Variants in POLD2 observed in about 807,000 individuals in gnomAD.
POLD2 encodes DNA polymerase delta 2, accessory subunit.
In POLD2, 31 loss-of-function variants were observed where a neutral mutation model predicts 48.8. The ratio of observed to expected loss-of-function variants is 0.64; its 90% confidence interval spans 0.48 to 0.86. POLD2 has a LOEUF of 0.86. POLD2 is among the 40% of genes least tolerant of loss of function. The pLI is 0.00. For missense variants in POLD2, 455 were observed against 610.1 expected (o/e 0.75, Z 2.68); for synonymous variants, 233 against 256.3 (o/e 0.91, Z 0.87).
At position 44,117,150 on chromosome 7, in the gene POLD2, G is replaced by A. The variant is rs1362339925; in HGVS notation, c.564C>T (p.Pro188=). The A allele has an allele frequency of 1.2e-6, 2 of 1,613,858 alleles. No homozygotes were observed. Among genetic ancestry groups the A allele is most frequent in the African/African-American group, 2.7e-5 (2 of 74,920 alleles). Residue 188 remains proline, a synonymous_variant, in exon 5 of 11, where the codon CCC becomes CCT. Coordinates refer to ENST00000610533, the MANE Select transcript of POLD2 (RefSeq NM_006230.4). ...FADLAPQKPA[P]PLDTDRFVLL... Reference sequence around the variant, plus strand: ...CTGCTCACCTATCTGTGTCAAGTGGGGGTGCGGGCTTCTGGGGAGCAAGGT... The same window carrying A: ...CTGCTCACCTATCTGTGTCAAGTGGAGGTGCGGGCTTCTGGGGAGCAAGGT...
Position 44,115,537 on chromosome 7 carries a change from T to C in POLD2, c.1148-141A>G. The C allele has an allele frequency of 6.8e-6, 5 of 731,706 alleles. No homozygotes were observed. The South Asian group carries it at 8.8e-5, about 13-fold the overall frequency. The allele number at this position is 731,706 out of a possible 1,614,324, so 45.3% of individuals were successfully genotyped here. On this transcript the variant is annotated intron_variant, in intron 9 of 10. Coordinates refer to ENST00000610533, the MANE Select transcript of POLD2 (RefSeq NM_006230.4). ...ACAATAGGGGCACCTCCAGACATTG[T>C]CACAAGACCTTGGCCCTGCTGTTGC...
In POLD2 at chr7:44,116,547, G is replaced by A. The variant is rs3087367; in HGVS notation, c.781-37C>T. 676,402 of 1,504,624 alleles carry A rather than the reference G, an allele frequency of 0.45. 154,173 individuals are homozygous for A. Among genetic ancestry groups the A allele is most frequent in the Non-Finnish European group, 0.47 (522,585 of 1,104,360 alleles). The allele number at this position is 1,504,624 out of a possible 1,614,324, so 93.2% of individuals were successfully genotyped here. ...GCCCAGAAGGCCATCAGGCCCAGGC[G>A]AGTCCCAGGCTCAGAGGAGAGTAGA... On this transcript the variant is annotated intron_variant, in intron 6 of 10. Transcript: ENST00000610533. This position sits in a 1 kb window ranked among gnomAD's most constrained non-coding sequence, Gnocchi z 6.1.
At chr7:44,119,525 C>T (rs2096245427) in intron 2 of POLD2, among the ~76,000 whole-genome samples, 1 of 152,180 alleles carries the variant, frequency 6.6e-6, no homozygotes, top group African/African-American at 2.4e-5. Flanking sequence ...TCTTACTCTC[C>T]CCCAGGTGGC....
At chr7:44,117,844 G>A in intron 3 of POLD2, 99 bp downstream of exon 3, 1 of 1,596,556 alleles carries the variant, frequency 6.3e-7, no homozygotes, top group Non-Finnish European at 8.6e-7. Flanking sequence ...GGAGTCCATT[G>A]TCTCTGAACC....
chr7:44,116,635 C>T lies in POLD2; in HGVS notation c.781-125G>A. 4 of 1,008,620 alleles carry T rather than the reference C, an allele frequency of 4.0e-6. No homozygotes were observed. The highest frequency in any genetic ancestry group is 5.9e-6 in the Non-Finnish European group (4 of 672,372). 62.5% of individuals were successfully genotyped at this position (1,008,620 alleles called of 1,614,324 possible). A position where few individuals can be genotyped will look rare whatever the true frequency, so the allele number is the denominator to read the frequency against. The stretch of plus-strand genomic sequence containing the variant: ...ACCCTCACTCCCTTCAAGCCTCCCA[C>T]CATCCTCAGCGAGGGCCTGGGCATG... On this transcript the variant is annotated intron_variant, in intron 6 of 10. Transcript: ENST00000610533. This position sits in a 1 kb window ranked among gnomAD's most constrained non-coding sequence, Gnocchi z 6.1.
At position 44,118,066 on chromosome 7, in the gene POLD2, T is replaced by C; in HGVS notation, c.221-2A>G. On this transcript the variant is annotated splice_acceptor_variant, in intron 2 of 10. Coordinates refer to ENST00000610533, the MANE Select transcript of POLD2 (RefSeq NM_006230.4). LOFTEE classifies it high-confidence loss of function. The stretch of plus-strand genomic sequence containing the variant: ...GCTTCTTCACTCCCACTCCACTGCC[T>C]GGGACACGAGGGGTACAGACTCAGA... 1.9e-6 allele frequency: 3 copies of C among 1,613,958 alleles called. No individual in the cohort carries two copies. The highest frequency in any genetic ancestry group is 2.5e-6 in the Non-Finnish European group (3 of 1,179,886).
Position 44,117,254 on chromosome 7 carries a change from A to G in POLD2, c.467-7T>C, listed in dbSNP as rs372544048. The G allele has an allele frequency of 2.5e-6, 4 of 1,606,596 alleles. No homozygotes were observed. The African/African-American group carries it at 4.0e-5, about 16-fold the overall frequency. ...AACACAGCCAGGACAGTCCCTGGGG[A>G]GCAGTGGCATCAGGCCTGAGCAGGG... On this transcript the variant is annotated splice_polypyrimidine_tract_variant and splice_region_variant and intron_variant, in intron 4 of 10. Coordinates refer to ENST00000610533, the MANE Select transcript of POLD2 (RefSeq NM_006230.4).
chr7:44,116,683 C>A lies in POLD2; in HGVS notation c.780+134G>T. ...ATGAGGAGCCCCATTGCAGGAGGCC[C>A]CAGAGTCACTGCAGGGCGCTTCCCA... On this transcript the variant is annotated intron_variant, in intron 6 of 10. Transcript: ENST00000610533. This position sits in a 1 kb window ranked among gnomAD's most constrained non-coding sequence, Gnocchi z 6.1. The A allele has an allele frequency of 9.4e-7, 1 of 1,062,274 alleles. No homozygotes were observed. The allele number at this position is 1,062,274 out of a possible 1,614,324, so 65.8% of individuals were successfully genotyped here.
At chr7:44,119,963 ATG>A (rs2128812247) in intron 2 of POLD2, among the ~76,000 whole-genome samples, 1 of 152,332 alleles carries the variant, frequency 6.6e-6, no homozygotes, top group South Asian at 2.1e-4. Context: ...AGATGGGGCC[ATG>A]GGAAGACAAG....
Position 44,122,097 on chromosome 7 carries a change from C to T in POLD2, c.-44G>A. On this transcript the variant is annotated 5_prime_UTR_variant, in exon 2 of 11. It introduces an in-frame stop codon into an upstream open reading frame of the 5' UTR. Transcript: ENST00000610533. ...CTTGGTCCACACAGCTTCGCCCAGG[C>T]CAAGGAGGTTCACTGCGAAAACACA... 3.1e-6 allele frequency: 5 copies of T among 1,597,402 alleles called. No homozygotes were observed. In the South Asian group the frequency reaches 5.6e-5, roughly 18 times the overall value.
intron 9 of POLD2, 162 bp from the exon 10 acceptor site, chr7:44,115,558 G>A (rs2096237527): frequency 2.8e-6 from 2 of 717,278 alleles, no homozygotes; most frequent in Non-Finnish European, 4.7e-6. Context: ...TGGCCCTGCT[G>A]TTGCTGCCCG....
Position 44,122,024 on chromosome 7 carries a change from G to A in POLD2, c.30C>T (p.Ala10=), listed in dbSNP as rs763861152. 6.2e-7 allele frequency: 1 copy of A among 1,613,310 alleles called. No individual in the cohort carries two copies. The highest frequency in any genetic ancestry group is 1.3e-5 in the African/African-American group (1 of 75,006). The change falls in exon 2 of 11, where the codon GCC becomes GCT. Residue 10 remains alanine (A), a synonymous_variant. Coordinates refer to ENST00000610533, the MANE Select transcript of POLD2 (RefSeq NM_006230.4). MFSEQAAQR[A]HTLLSPPSAN... ...CTGATGGTGGGGACAGTAGAGTGTG[G>A]GCCCTCTGGGCAGCCTGCTCAGAAA...
intron 2 of POLD2, among the ~76,000 whole-genome samples, chr7:44,119,432 G>A (rs2096245308): frequency 6.6e-6 from 1 of 152,144 alleles, no homozygotes; most frequent in South Asian, 2.1e-4. Context: ...GGAGCAGACA[G>A]AGGCGAGCAA....
chr7:44,118,175 T>G, intron 2 of POLD2, 111 bp from the exon 3 acceptor site: 5 of 1,289,328 alleles, frequency 3.9e-6, no homozygotes, highest in Non-Finnish European at 5.3e-6. Context: ...GCCCTGGCCT[T>G]GCCAGGAGAG....
intron 10 of POLD2, 96 bp from the exon 11 acceptor site, chr7:44,115,041 CAG>C: frequency 9.2e-7 from 1 of 1,092,496 alleles, no homozygotes; most frequent in South Asian, 1.6e-5. Flanking sequence ...CATTGGCACA[CAG>C]TGGGGCAGTG....
chr7:44,118,404 C>A, intron 2 of POLD2: 1 of 203,906 alleles, frequency 4.9e-6, no homozygotes. Flanking sequence ...AGGAAGGACC[C>A]TCCCCTCGGG....
intron 3 of POLD2, 74 bp downstream of exon 3, chr7:44,117,869 C>A: frequency 6.3e-7 from 1 of 1,596,462 alleles, no homozygotes; most frequent in South Asian, 1.1e-5. Context: ...TCCCCACAAC[C>A]CCACCTCCAG....
chr7:44,119,294 G>A (rs956359157), intron 2 of POLD2, among the ~76,000 whole-genome samples: 3 of 152,176 alleles, frequency 2.0e-5, no homozygotes, highest in Admixed American at 6.5e-5. Flanking sequence ...CAGGCCTGGA[G>A]AAAACACCAA....
At chr7:44,120,961 C>G (rs549468338) in intron 2 of POLD2, among the ~76,000 whole-genome samples, 2 of 152,112 alleles carry the variant, frequency 1.3e-5, no homozygotes, top group Admixed American at 1.3e-4. Flanking sequence ...CTGCCTATAA[C>G]GAGAATTGAT....
Sources: allele counts gnomAD v4.1 joint callset (sites outside exome capture counted in the v4.1 genomes callset), GRCh38; gene constraint gnomAD v4.1.1; non-coding constraint Gnocchi (gnomAD v3.1); transcripts MANE v1.5; gene names NCBI Gene and HGNC (gene_info 2026-07-23, HGNC 2026-07-21).